The following ST7L variants were observed in gnomAD, a reference collection of about 807,000 sequenced individuals.
ST7L encodes the protein suppression of tumorigenicity 7 like, also known as suppressor of tumorigenicity 7 protein-like.
ST7L carries 57 observed loss-of-function variants against 72.5 expected under a neutral mutation model. The ratio of observed to expected loss-of-function variants is 0.79; its 90% confidence interval spans 0.64 to 0.98. The LOEUF (loss-of-function observed/expected upper bound fraction) is 0.98. Ranked by LOEUF, ST7L falls within the 50% of genes least tolerant of loss-of-function variation. ST7L has a pLI of 0.00. For synonymous variants in ST7L, 221 were observed against 240.9 expected, an observed-to-expected ratio of 0.92 and a Z score of 0.77; for missense variants, 576 against 672.2, an observed-to-expected ratio of 0.86 and a Z score of 1.58.
rs577245677 is a variant in ST7L, at chr1:112,582,314, T to G, written c.954+61A>C. The stretch of plus-strand genomic sequence containing the variant: ...ATTCTGCATTAAAATAACTGGCAAC[T>G]TAACTAAATTTTTAGTTTCTGGAGG... On this transcript the variant is annotated intron_variant, in intron 8 of 14. Transcript: ENST00000358039. 2.4e-6 allele frequency: 3 copies of G among 1,257,882 alleles called. No individual in the cohort carries two copies. In the South Asian group the frequency reaches 3.9e-5, roughly 16 times the overall value. The allele number at this position is 1,257,882 out of a possible 1,614,324, so 77.9% of individuals were successfully genotyped here. A position where few individuals can be genotyped will look rare whatever the true frequency, so the allele number is the denominator to read the frequency against.
chr1:112,593,516 C>CA, intron 5 of ST7L, among the ~76,000 whole-genome samples: 1 of 152,250 alleles, frequency 6.6e-6, no homozygotes, highest in Non-Finnish European at 1.5e-5. Context: ...TAAATGCCTA[C>CA]AAATGCCAGG....
At chr1:112,561,130 TAAG>T (rs912061470) in intron 11 of ST7L, among the ~76,000 whole-genome samples, 6 of 152,068 alleles carry the variant, frequency 3.9e-5, no homozygotes, top group African/African-American at 7.2e-5. Context: ...TTTAATTTTC[TAAG>T]AAGAATATAA....
chr1:112,578,310 T>G, intron 10 of ST7L, 35 bp downstream of exon 10: 1 of 1,572,984 alleles, frequency 6.4e-7, no homozygotes, highest in Non-Finnish European at 8.8e-7. Flanking sequence ...AGTTTAGCAG[T>G]CTTTCCAAAT....
At chr1:112,529,574 T>C (rs1654020663) in intron 14 of ST7L, 1 of 152,166 alleles carries the variant, frequency 6.6e-6, no homozygotes, top group Admixed American at 6.5e-5. Flanking sequence ...ATTTTTCATC[T>C]GTTCTCCCAG....
At chr1:112,534,073 T>G (rs1340138489) in intron 14 of ST7L, among the ~76,000 whole-genome samples, 2 of 152,228 alleles carry the variant, frequency 1.3e-5, no homozygotes, top group African/African-American at 4.8e-5. Flanking sequence ...GATACTTGTC[T>G]TTGCAGTAAA....
chr1:112,567,806 A>C (rs1661289855), intron 11 of ST7L, among the ~76,000 whole-genome samples: 1 of 152,172 alleles, frequency 6.6e-6, no homozygotes, highest in Non-Finnish European at 1.5e-5. Context: ...ATGTGGATCC[A>C]TTCTGTGATT....
At chr1:112,575,246 A>G (rs1662924543) in intron 11 of ST7L, among the ~76,000 whole-genome samples, 1 of 152,240 alleles carries the variant, frequency 6.6e-6, no homozygotes, top group South Asian at 2.1e-4. Context: ...AAAGAAAAAT[A>G]AAAGTTTACA....
At chr1:112,569,676 C>T (rs1387147435) in intron 11 of ST7L, among the ~76,000 whole-genome samples, 1 of 152,058 alleles carries the variant, frequency 6.6e-6, no homozygotes, top group Non-Finnish European at 1.5e-5. Context: ...AAGACAGTAT[C>T]AGCTGGGCGC....
intron 3 of ST7L, among the ~76,000 whole-genome samples, chr1:112,605,914 C>G (rs1017439727): frequency 2.0e-5 from 3 of 152,192 alleles, no homozygotes; most frequent in Non-Finnish European, 4.4e-5. Flanking sequence ...AGCAGCAGTC[C>G]TGGATTTGGT....
At position 112,525,942 on chromosome 1, in the gene ST7L, T is replaced by G. The variant is rs557041371; in HGVS notation, c.*71A>C. 39 of 1,600,404 alleles carry G rather than the reference T, an allele frequency of 2.4e-5. No individual in the cohort carries two copies. The South Asian group carries it at 4.3e-4, about 18-fold the overall frequency. On this transcript the variant is annotated 3_prime_UTR_variant, in exon 15 of 15. Coordinates refer to ENST00000358039, the MANE Select transcript of ST7L (RefSeq NM_017744.5). ...CACAACAACCCTGTGAGGTAGGGGT[T>G]ACTGTCACTTTACAGATGCTGTTCA...
At chr1:112,555,361 C>G (rs1225803406) in intron 12 of ST7L, among the ~76,000 whole-genome samples, 3 of 152,034 alleles carry the variant, frequency 2.0e-5, no homozygotes, top group African/African-American at 7.2e-5. Context: ...ATCAGGAGAT[C>G]GAGACCATCC....
chr1:112,537,955 T>G (rs1655481785), intron 14 of ST7L, among the ~76,000 whole-genome samples: 1 of 152,258 alleles, frequency 6.6e-6, no homozygotes, highest in South Asian at 2.1e-4. Context: ...ACAGTGAGAA[T>G]TATTTAAAAT....
chr1:112,574,426 A>G (rs183200890), intron 11 of ST7L, among the ~76,000 whole-genome samples: 539 of 151,208 alleles, frequency 3.6e-3, no homozygotes, highest in African/African-American at 8.0e-3. Context: ...TTGGGAGGCC[A>G]AGGCGGGCGG....
chr1:112,523,143 C>T (rs1280249829), downstream of ST7L: 1 of 152,238 alleles, frequency 6.6e-6, no homozygotes, highest in Non-Finnish European at 1.5e-5. Flanking sequence ...TGACTTAAAT[C>T]TACCTATACC....
At chr1:112,538,517 G>A (rs940966886) in intron 14 of ST7L, among the ~76,000 whole-genome samples, 1 of 152,066 alleles carries the variant, frequency 6.6e-6, no homozygotes, top group Non-Finnish European at 1.5e-5. Context: ...TAATTTTTTT[G>A]TATATTTGGA....
chr1:112,617,006 A>G lies in ST7L; in HGVS notation c.206-111T>C. On this transcript the variant is annotated intron_variant, in intron 1 of 14. Transcript: ENST00000358039. ...TGGGACTTAAGTAGTATTAATATCT[A>G]GTGTGAAATTCACTTGAAAAAGTTT... The G allele has an allele frequency of 4.5e-6, 3 of 667,168 alleles. No homozygotes were observed. The South Asian group carries it at 5.5e-5, about 12-fold the overall frequency. The allele number at this position is 667,168 out of a possible 1,614,324, so 41.3% of individuals were successfully genotyped here. A position where few individuals can be genotyped will look rare whatever the true frequency, so the allele number is the denominator to read the frequency against.
Position 112,525,059 on chromosome 1 carries a change from C to T in ST7L, c.*954G>A, listed in dbSNP as rs534765265. Reference sequence around the variant, plus strand: ...CAGTGGTGAAGAATTACCATCAAAGCAGAGTGGCTGAGACTGTATAAGTTC... The same window carrying T: ...CAGTGGTGAAGAATTACCATCAAAGTAGAGTGGCTGAGACTGTATAAGTTC... On this transcript the variant is annotated 3_prime_UTR_variant, in exon 15 of 15. Coordinates refer to ENST00000358039, the MANE Select transcript of ST7L (RefSeq NM_017744.5). 3 of 152,312 alleles carry T rather than the reference C, an allele frequency of 2.0e-5. No homozygotes were observed. In the East Asian group the frequency reaches 5.8e-4, roughly 29 times the overall value. 9.4% of individuals were successfully genotyped at this position (152,312 alleles called of 1,614,324 possible). A position where few individuals can be genotyped will look rare whatever the true frequency, so the allele number is the denominator to read the frequency against.
chr1:112,526,251 T>G, intron 14 of ST7L, 140 bp from the exon 15 acceptor site: 6 of 1,096,772 alleles, frequency 5.5e-6, no homozygotes, highest in Non-Finnish European at 7.8e-6. Context: ...TTTTGCCATT[T>G]CTGCCACTAT....
intron 12 of ST7L, among the ~76,000 whole-genome samples, chr1:112,554,228 G>A (rs2101587134): frequency 6.6e-6 from 1 of 152,076 alleles, no homozygotes; most frequent in Non-Finnish European, 1.5e-5. Flanking sequence ...ATGGTAAAAT[G>A]TTTTAATTAA....
Sources: gnomAD v4.1 joint callset for allele counts (sites outside exome capture counted in the v4.1 genomes callset) on GRCh38, gnomAD v4.1.1 for gene constraint, MANE v1.5 for transcripts, NCBI Gene and HGNC (gene_info 2026-07-23, HGNC 2026-07-21) for gene names.